The following XKR6 variants were observed in gnomAD, a reference collection of about 807,000 sequenced individuals.
XKR6 encodes XK related 6, also known as XK-related protein 6.
In XKR6, 22 loss-of-function variants were observed where a neutral mutation model predicts 56.7. That is an observed-to-expected ratio of 0.39 (90% confidence interval 0.28 to 0.55). The LOEUF is 0.55. Among genes scored for constraint, XKR6 ranks in the 20% least tolerant of loss-of-function variants. The probability of loss-of-function intolerance (pLI) is 0.66; values close to 1 mark genes in which losing one functional copy is unlikely to be tolerated. For missense variants in XKR6, 852 were observed against 889.0 expected, an observed-to-expected ratio of 0.96 and a Z score of 0.53; for synonymous variants, 524 against 387.8, an observed-to-expected ratio of 1.35 and a Z score of -4.13.
chr8:10,995,082 G>C (rs1328498814), intron 1 of XKR6, among the ~76,000 whole-genome samples: 1 of 152,186 alleles, frequency 6.6e-6, no homozygotes, highest in African/African-American at 2.4e-5. Flanking sequence ...CGAGACTCAG[G>C]CTAGGTCAAC....
chr8:11,066,837 T>C (rs887779666), intron 1 of XKR6: 30 of 152,186 alleles, frequency 2.0e-4, no homozygotes, highest in African/African-American at 6.0e-4. Context: ...GGGGGAACAG[T>C]CGAGAGGCCC....
intron 1 of XKR6, among the ~76,000 whole-genome samples, chr8:11,176,469 C>G (rs1802660708): frequency 6.6e-6 from 1 of 152,126 alleles, no homozygotes; most frequent in African/African-American, 2.4e-5. Context: ...TTCAAATATA[C>G]TGGTTAACTG....
intron 1 of XKR6, among the ~76,000 whole-genome samples, chr8:10,935,928 G>A (rs926222082): frequency 6.8e-6 from 1 of 146,276 alleles, no homozygotes; most frequent in African/African-American, 2.5e-5. Flanking sequence ...ACTTGGTGCA[G>A]AGCTGAGTTC....
chr8:10,967,540 G>A (rs1310934529), intron 1 of XKR6, among the ~76,000 whole-genome samples: 6 of 152,188 alleles, frequency 3.9e-5, no homozygotes, highest in Non-Finnish European at 7.3e-5. Context: ...CGGGGGGCGT[G>A]GGGTGCCTGG....
intron 1 of XKR6, among the ~76,000 whole-genome samples, chr8:11,023,240 C>T (rs956596027): frequency 6.6e-6 from 1 of 152,196 alleles, no homozygotes; most frequent in Non-Finnish European, 1.5e-5. Context: ...CAGGGCTGCT[C>T]CCAGAGCAGG....
At chr8:10,967,688 G>A (rs1240155232) in intron 1 of XKR6, among the ~76,000 whole-genome samples, 1 of 152,228 alleles carries the variant, frequency 6.6e-6, no homozygotes, top group Non-Finnish European at 1.5e-5. Flanking sequence ...AGGGTCTGCA[G>A]CAACTTGCCG....
At chr8:11,076,654 C>A (rs1004121428) in intron 1 of XKR6, among the ~76,000 whole-genome samples, 4 of 152,220 alleles carry the variant, frequency 2.6e-5, no homozygotes, top group Non-Finnish European at 5.9e-5. Flanking sequence ...CAGCACAGGG[C>A]AGGCCCCGAA....
Position 10,898,413 on chromosome 8 carries a change from C to A in XKR6, c.1465G>T (p.Ala489Ser), listed in dbSNP as rs748299780. 1.2e-6 allele frequency: 2 copies of A among 1,613,918 alleles called. No homozygotes were observed. Among genetic ancestry groups the A allele is most frequent in the Non-Finnish European group, 8.5e-7 (1 of 1,179,966 alleles). Residue 489 changes from alanine to serine, a missense_variant, in exon 3 of 3, where the codon GCA becomes TCA. Ala to Ser is a moderately conservative substitution (Grantham distance 99). Transcript: ENST00000416569. The surrounding 1 kb of genome is among the most constrained non-coding windows in gnomAD (Gnocchi z 6.6). ...CVFISFVAGI[A>S]MMLLYYGVLH... ...ACGCCATAGTATAAGAGCATCATTG[C>A]GATCCCAGCCACAAAGCTAATAAAG... is the stretch of plus-strand genomic sequence containing the variant.
chr8:11,092,844 C>A (rs1181714919), intron 1 of XKR6, among the ~76,000 whole-genome samples: 1 of 152,154 alleles, frequency 6.6e-6, no homozygotes, highest in East Asian at 1.9e-4. Context: ...AGGGGCCTGA[C>A]AGACCAAACC....
At chr8:10,945,301 T>C (rs977118772) in intron 1 of XKR6, among the ~76,000 whole-genome samples, 78 of 152,294 alleles carry the variant, frequency 5.1e-4, no homozygotes, top group Non-Finnish European at 7.4e-5. Flanking sequence ...CTGGTCAACA[T>C]GGTGAAACCC....
intron 1 of XKR6, among the ~76,000 whole-genome samples, chr8:10,935,539 T>G (rs1482653923): frequency 8.2e-4 from 114 of 139,854 alleles, no homozygotes; most frequent in East Asian, 3.6e-3. Flanking sequence ...GGGCATTTAG[T>G]GCTATAAATT....
intron 1 of XKR6, among the ~76,000 whole-genome samples, chr8:11,053,776 G>T (rs1215970860): frequency 1.3e-5 from 2 of 152,214 alleles, no homozygotes; most frequent in African/African-American, 4.8e-5. Context: ...CAGTCCACAT[G>T]ACTTCACTTT....
At chr8:10,987,786 C>T (rs1586396150) in intron 1 of XKR6, among the ~76,000 whole-genome samples, 1 of 152,214 alleles carries the variant, frequency 6.6e-6, no homozygotes, top group South Asian at 2.1e-4. Context: ...CTGTCTACCA[C>T]TTCTGTCATC....
At chr8:10,949,568 G>A (rs574467405) in intron 1 of XKR6, among the ~76,000 whole-genome samples, 163 of 152,360 alleles carry the variant, frequency 1.1e-3, no homozygotes, top group Middle Eastern at 3.4e-3. Context: ...TGCCAGGCAC[G>A]GAGCCAGACA....
intron 2 of XKR6, among the ~76,000 whole-genome samples, chr8:10,917,535 G>GT (rs1412745670): frequency 6.6e-6 from 1 of 152,244 alleles, no homozygotes; most frequent in Non-Finnish European, 1.5e-5. Flanking sequence ...AGCTGGCCAT[G>GT]TTCTGGGGTC....
intron 1 of XKR6, among the ~76,000 whole-genome samples, chr8:11,099,586 T>G (rs924084081): frequency 6.6e-6 from 1 of 151,934 alleles, no homozygotes; most frequent in Non-Finnish European, 1.5e-5. Context: ...TAAATCCACA[T>G]TCTTTAAAAT....
At chr8:11,043,766 C>A (rs961896126) in intron 1 of XKR6, among the ~76,000 whole-genome samples, 11 of 152,352 alleles carry the variant, frequency 7.2e-5, no homozygotes, top group African/African-American at 2.6e-4. Context: ...GGATGCACCT[C>A]ATTATACATA....
chr8:10,916,548 A>C (rs992170740), intron 2 of XKR6, among the ~76,000 whole-genome samples: 1 of 152,212 alleles, frequency 6.6e-6, no homozygotes, highest in African/African-American at 2.4e-5. Context: ...GAGGCCATTC[A>C]ACTGATCAAC....
chr8:11,033,077 T>C (rs749614956), intron 1 of XKR6, among the ~76,000 whole-genome samples: 8 of 151,796 alleles, frequency 5.3e-5, no homozygotes, highest in Non-Finnish European at 1.2e-4. Context: ...GTGGTGACGA[T>C]GGTAATGGTG....
Sources: gnomAD v4.1 joint callset for allele counts (sites outside exome capture counted in the v4.1 genomes callset) on GRCh38, gnomAD v4.1.1 for gene constraint, Gnocchi (gnomAD v3.1) non-coding constraint, MANE v1.5 for transcripts, NCBI Gene and HGNC (gene_info 2026-07-23, HGNC 2026-07-21) for gene names.